The following CAST variants were observed in gnomAD, a reference collection of about 807,000 sequenced individuals.
CAST encodes the protein calpastatin.
A neutral mutation model predicts 119.6 loss-of-function variants in CAST; 76 were observed. That is an observed-to-expected ratio of 0.64 (90% CI 0.53 to 0.77). CAST has a LOEUF of 0.77. Among genes scored for constraint, CAST ranks in the 30% least tolerant of loss-of-function variants. The probability of loss-of-function intolerance (pLI) is 0.00; values close to 1 mark genes in which losing one functional copy is unlikely to be tolerated. For missense variants in CAST, 953 were observed against 946.5 expected, an observed-to-expected ratio of 1.01 and a Z score of -0.09; for synonymous variants, 319 against 331.6, an observed-to-expected ratio of 0.96 and a Z score of 0.41.
the CAST span, among the ~76,000 whole-genome samples, chr5:96,441,607 T>G: frequency 6.6e-6 from 1 of 152,116 alleles, no homozygotes; most frequent in South Asian, 2.1e-4. Flanking sequence ...TCTAAACACA[T>G]TTATTGAAAG....
chr5:96,154,013 G>A, the CAST span, among the ~76,000 whole-genome samples: 47,341 of 152,032 alleles, frequency 0.31, 7,610 homozygotes, highest in Middle Eastern at 0.39. Flanking sequence ...GAATGAGGCC[G>A]GGCGTGGTGG....
At chr5:96,203,601 C>T in the CAST span, among the ~76,000 whole-genome samples, 1 of 151,906 alleles carries the variant, frequency 6.6e-6, no homozygotes, top group South Asian at 2.1e-4. Flanking sequence ...AGCTGCTGTT[C>T]TCTTTATTTC....
chr5:96,349,139 A>ATTTTTTTTTTT, the CAST span, among the ~76,000 whole-genome samples: 26 of 89,618 alleles, frequency 2.9e-4, no homozygotes, highest in African/African-American at 6.5e-4. Flanking sequence ...CAAGGACACT[A>ATTTTTTTTTTT]TTTTTTTTTT....
the CAST span, among the ~76,000 whole-genome samples, chr5:96,030,962 C>T: frequency 2.0e-4 from 30 of 152,058 alleles, no homozygotes; most frequent in African/African-American, 5.6e-4. Context: ...AGAATATTAA[C>T]GTATTGTACT....
chr5:96,534,743 A>G (rs187790), intron 1 of CAST, among the ~76,000 whole-genome samples: 30,941 of 56,212 alleles, frequency 0.55, 9,468 homozygotes, highest in Admixed American at 0.58. Context: ...GAGAGAGAGA[A>G]AGAAAGAAAG....
At chr5:96,535,476 A>G (rs1251261437) in intron 1 of CAST, among the ~76,000 whole-genome samples, 1 of 151,882 alleles carries the variant, frequency 6.6e-6, no homozygotes, top group African/African-American at 2.4e-5. Flanking sequence ...GCCTCTGGGG[A>G]GGAAGAACAG....
intron 3 of CAST, among the ~76,000 whole-genome samples, chr5:96,704,735 G>A (rs914664498): frequency 6.6e-6 from 1 of 152,144 alleles, no homozygotes; most frequent in African/African-American, 2.4e-5. Context: ...AACCTCATAA[G>A]AACATATCGC....
chr5:96,163,029 C>T, the CAST span, among the ~76,000 whole-genome samples: 1 of 152,088 alleles, frequency 6.6e-6, no homozygotes, highest in Non-Finnish European at 1.5e-5. Context: ...CTGGGCTTTT[C>T]TTTGAGGGTA....
the CAST span, among the ~76,000 whole-genome samples, chr5:96,043,981 C>T: frequency 6.6e-6 from 1 of 152,210 alleles, no homozygotes; most frequent in African/African-American, 2.4e-5. Context: ...AGCATACTAT[C>T]AAATGCCATG....
Position 96,615,931 on chromosome 5 carries a change from C to T in CAST, c.61-59608C>T, listed in dbSNP as rs893398603. ...GAGGAGCAAGGAAGCCAGTCTGAGT[C>T]CCAAAACTGAAGAACTGGGAGTCCA... On this transcript the variant is annotated intron_variant, in intron 1 of 11. Transcript: ENST00000505143. Among the ~76,000 whole-genome samples the T allele has an allele frequency of 4.6e-5, 7 of 152,224 alleles. 1 individual carries two copies. The highest frequency in any genetic ancestry group is 4.2e-4 in the South Asian group (2 of 4,818).
chr5:96,534,737 G>GAGAGAGAGAGAGAGAGAAAGAGAA (rs1561408818), intron 1 of CAST, among the ~76,000 whole-genome samples: 3 of 14,202 alleles, frequency 2.1e-4, no homozygotes, highest in African/African-American at 6.5e-4. Flanking sequence ...GAGAGAGAGA[G>GAGAGAGAGAGAGAGAGAAAGAGAA]AGAGAAAGAA....
chr5:96,318,334 A>G, the CAST span: 6 of 152,226 alleles, frequency 3.9e-5, no homozygotes. Flanking sequence ...TGTTTAACCG[A>G]ACTCAAAGAA....
At chr5:96,360,609 G>T in the CAST span, among the ~76,000 whole-genome samples, 1 of 152,332 alleles carries the variant, frequency 6.6e-6, no homozygotes, top group Non-Finnish European at 1.5e-5. Flanking sequence ...GTCTGCTGCA[G>T]TTTGCTGGAT....
At chr5:96,021,533 C>T in the CAST span, among the ~76,000 whole-genome samples, 1 of 151,450 alleles carries the variant, frequency 6.6e-6, no homozygotes, top group African/African-American at 2.4e-5. Flanking sequence ...GCAAGCTCCG[C>T]CTCCTGGGTT....
At chr5:96,389,201 T>C in the CAST span, among the ~76,000 whole-genome samples, 14 of 152,264 alleles carry the variant, frequency 9.2e-5, no homozygotes, top group East Asian at 2.3e-3. Context: ...CTATAGTTAA[T>C]AAAAATGTAT....
intron 1 of CAST, among the ~76,000 whole-genome samples, chr5:96,642,871 G>T (rs1031622308): frequency 3.3e-5 from 5 of 152,076 alleles, no homozygotes; most frequent in African/African-American, 1.2e-4. Flanking sequence ...TTCTTAATAT[G>T]TACTACAGAC....
the CAST span, chr5:96,400,002 C>G: frequency 3.1e-6 from 5 of 1,614,200 alleles, no homozygotes; most frequent in Non-Finnish European, 4.2e-6. Context: ...TTCTCAGGCA[C>G]GCTCCTCCAG....
At chr5:96,108,996 G>T in the CAST span, among the ~76,000 whole-genome samples, 1 of 152,210 alleles carries the variant, frequency 6.6e-6, no homozygotes. Context: ...TCCAGGTGCC[G>T]TCTGTCACCC....
the CAST span, among the ~76,000 whole-genome samples, chr5:96,368,641 G>C: frequency 6.6e-6 from 1 of 152,094 alleles, no homozygotes; most frequent in African/African-American, 2.4e-5. Flanking sequence ...CTGCTGCAGA[G>C]CTGTGAGCTT....
Sources: allele counts gnomAD v4.1 joint callset (sites outside exome capture counted in the v4.1 genomes callset), GRCh38; gene constraint gnomAD v4.1.1; transcripts MANE v1.5; gene names NCBI Gene and HGNC (gene_info 2026-07-23, HGNC 2026-07-21).